Variants in CSMD1 observed in about 807,000 individuals in gnomAD.
CSMD1 encodes CUB and Sushi multiple domains 1.
A neutral mutation model predicts 417.5 loss-of-function variants in CSMD1; 213 were observed. The observed-to-expected ratio is 0.51, with a 90% CI of 0.46 to 0.57. The LOEUF (loss-of-function observed/expected upper bound fraction) is 0.57, where lower values mean the gene tolerates loss of function less well. Ranked by LOEUF, CSMD1 falls within the 20% of genes least tolerant of loss-of-function variation. The pLI, the probability that CSMD1 is intolerant of heterozygous loss-of-function variation, is 0.00. For missense variants in CSMD1, 6,923 were observed against 4,529.7 expected, an observed-to-expected ratio of 1.53 and a Z score of -15.17; for synonymous variants, 2,862 against 1,736.8, an observed-to-expected ratio of 1.65 and a Z score of -16.11.
At chr8:4,543,341 G>C (rs2130525696) in intron 2 of CSMD1, among the ~76,000 whole-genome samples, 1 of 152,106 alleles carries the variant, frequency 6.6e-6, no homozygotes, top group Non-Finnish European at 1.5e-5. Flanking sequence ...CATCCTTTTA[G>C]CGTCCCCATA....
chr8:4,388,898 C>T (rs545213500), intron 3 of CSMD1, among the ~76,000 whole-genome samples: 2 of 152,294 alleles, frequency 1.3e-5, no homozygotes, highest in African/African-American at 2.4e-5. Context: ...CATCTTCTCT[C>T]ATCCAGCTAT....
At chr8:4,808,143 C>T (rs940427319) in intron 1 of CSMD1, among the ~76,000 whole-genome samples, 1 of 152,200 alleles carries the variant, frequency 6.6e-6, no homozygotes, top group Non-Finnish European at 1.5e-5. Context: ...GAATCCACCA[C>T]CACGATTCCG....
intron 2 of CSMD1, among the ~76,000 whole-genome samples, chr8:4,421,866 A>G (rs1172573267): frequency 6.6e-6 from 1 of 152,020 alleles, no homozygotes; most frequent in Non-Finnish European, 1.5e-5. Context: ...AGAACAAATA[A>G]TGAAAGAGCC....
Position 4,820,918 on chromosome 8 carries a change from A to G in CSMD1, c.85+173414T>C, listed in dbSNP as rs373868867. Among the ~76,000 whole-genome samples the G allele has an allele frequency of 3.7e-4, 57 of 152,316 alleles. 1 individual carries two copies. The highest frequency in any genetic ancestry group is 1.9e-3 in the South Asian group (9 of 4,830). On this transcript the variant is annotated intron_variant, in intron 1 of 69. Transcript: ENST00000635120. ...TTTTTCTCTTAACTTGCAGATGTGT[A>G]TATCTTCATGTTGCTTCCATCTTTC...
At chr8:4,439,560 A>G (rs1585076730) in intron 2 of CSMD1, among the ~76,000 whole-genome samples, 2 of 152,152 alleles carry the variant, frequency 1.3e-5, no homozygotes, top group Admixed American at 1.3e-4. Flanking sequence ...TGAGTTTACT[A>G]TCTGCTGAAA....
chr8:3,824,462 C>T (rs1365722580), intron 5 of CSMD1, among the ~76,000 whole-genome samples: 2 of 152,116 alleles, frequency 1.3e-5, no homozygotes, highest in Non-Finnish European at 2.9e-5. Flanking sequence ...GCACCTCTGT[C>T]CCCTAAGTGC....
intron 7 of CSMD1, among the ~76,000 whole-genome samples, chr8:3,651,750 A>G (rs567180823): frequency 2.0e-5 from 3 of 151,280 alleles, no homozygotes; most frequent in South Asian, 2.1e-4. Flanking sequence ...TATCATCACT[A>G]TACTTACTAC....
chr8:4,028,161 T>C (rs1279418306), intron 4 of CSMD1, among the ~76,000 whole-genome samples: 1 of 152,000 alleles, frequency 6.6e-6, no homozygotes, highest in Non-Finnish European at 1.5e-5. Context: ...TTAGAAAAAA[T>C]AATGGGCATC....
At chr8:4,366,088 C>G (rs1240163377) in intron 3 of CSMD1, among the ~76,000 whole-genome samples, 1 of 152,014 alleles carries the variant, frequency 6.6e-6, no homozygotes, top group African/African-American at 2.4e-5. Context: ...CCTACCCTCC[C>G]CACTCAGGTA....
intron 3 of CSMD1, among the ~76,000 whole-genome samples, chr8:4,332,243 G>T (rs1328981789): frequency 1.3e-5 from 2 of 152,094 alleles, no homozygotes; most frequent in African/African-American, 4.8e-5. Context: ...GCTAGCCATT[G>T]CCACCACATC....
intron 3 of CSMD1, among the ~76,000 whole-genome samples, chr8:4,308,356 T>C (rs1798364914): frequency 6.6e-6 from 1 of 151,992 alleles, no homozygotes. Context: ...GCGTGTGCAC[T>C]GTGTGTAGTG....
rs546916960 is a variant in CSMD1, at chr8:4,414,064, G to A, written c.415+5889C>T. ...AGGAAACATTTCTATCCTGCCAGGT[G>A]CATCATGCATGCTCCATGCTTTAAT... On this transcript the variant is annotated intron_variant, in intron 3 of 69. Transcript: ENST00000635120. Among the ~76,000 whole-genome samples the A allele has an allele frequency of 2.2e-3, 332 of 152,308 alleles. 4 individuals are homozygous for A. The highest frequency in any genetic ancestry group is 2.0e-3 in the Non-Finnish European group (136 of 68,022).
chr8:4,129,771 C>T (rs890551244), intron 3 of CSMD1, among the ~76,000 whole-genome samples: 1 of 152,050 alleles, frequency 6.6e-6, no homozygotes, highest in Non-Finnish European at 1.5e-5. Context: ...AAAATTTCTT[C>T]AACAATTTAA....
At chr8:3,085,568 G>C (rs1393202470) in intron 49 of CSMD1, among the ~76,000 whole-genome samples, 1 of 152,138 alleles carries the variant, frequency 6.6e-6, no homozygotes, top group African/African-American at 2.4e-5. Flanking sequence ...AGATTCCTTG[G>C]CCACAGCTGT....
At chr8:3,714,664 G>C (rs899709357) in intron 6 of CSMD1, among the ~76,000 whole-genome samples, 6 of 151,414 alleles carry the variant, frequency 4.0e-5, no homozygotes, top group Admixed American at 2.6e-4. Context: ...TTGAACCCCG[G>C]AGGCAGAGTT....
rs113923694 is a variant in CSMD1 at position 4,807,625 on chromosome 8, C to T, written c.86-170067G>A. Reference sequence around the variant, plus strand: ...AGTAATAGTAATGACAGTAATAATCCTAATACATATGAATATACATAATAC... The same window carrying T: ...AGTAATAGTAATGACAGTAATAATCTTAATACATATGAATATACATAATAC... On this transcript the variant is annotated intron_variant, in intron 1 of 69. Transcript: ENST00000635120. Among the ~76,000 whole-genome samples, 555 of 152,208 alleles carry T rather than the reference C, an allele frequency of 3.6e-3. 9 individuals carry two copies. Among genetic ancestry groups the T allele is most frequent in the African/African-American group, 0.012 (517 of 41,506 alleles).
intron 3 of CSMD1, among the ~76,000 whole-genome samples, chr8:4,100,608 AGTTTCCACC>A (rs1195453902): frequency 6.6e-6 from 1 of 152,160 alleles, no homozygotes; most frequent in Non-Finnish European, 1.5e-5. Flanking sequence ...CAAAATATAC[AGTTTCCACC>A]GTGATAATGG....
intron 1 of CSMD1, among the ~76,000 whole-genome samples, chr8:4,654,649 T>C (rs1804116863): frequency 6.6e-6 from 1 of 152,214 alleles, no homozygotes; most frequent in African/African-American, 2.4e-5. Flanking sequence ...TCAGCTTAGA[T>C]TGTAATAAGT....
At chr8:3,326,131 G>C (rs1278221602) in intron 23 of CSMD1, among the ~76,000 whole-genome samples, 1 of 152,174 alleles carries the variant, frequency 6.6e-6, no homozygotes, top group Non-Finnish European at 1.5e-5. Flanking sequence ...TCCAAGCACA[G>C]AATGGTTTCA....
Sources: allele counts gnomAD v4.1 joint callset (sites outside exome capture counted in the v4.1 genomes callset), GRCh38; gene constraint gnomAD v4.1.1; transcripts MANE v1.5; gene names NCBI Gene and HGNC (gene_info 2026-07-23, HGNC 2026-07-21).